PRKN: variants seen among roughly 807,000 people sequenced by gnomAD.
PRKN encodes the protein E3 ubiquitin-protein ligase parkin.
Under a neutral mutation model 59.5 loss-of-function variants are expected in PRKN, and 56 were observed. The ratio of observed to expected loss-of-function variants is 0.94; its 90% CI spans 0.76 to 1.18. The LOEUF (loss-of-function observed/expected upper bound fraction) is 1.18, where lower values mean the gene tolerates loss of function less well. Ranked by LOEUF, PRKN falls within the 50% of genes most tolerant of loss-of-function variation. The pLI is 0.00. For synonymous variants in PRKN, 250 were observed against 222.1 expected, an observed-to-expected ratio of 1.13 and a Z score of -1.12; for missense variants, 657 against 596.4, an observed-to-expected ratio of 1.10 and a Z score of -1.06.
intron 7 of PRKN, among the ~76,000 whole-genome samples, chr6:161,596,321 T>G (rs1781912804): frequency 6.6e-6 from 1 of 152,134 alleles, no homozygotes; most frequent in Non-Finnish European, 1.5e-5. Context: ...AACACTTTTC[T>G]GGAAATAAAA....
intron 4 of PRKN, among the ~76,000 whole-genome samples, chr6:162,096,705 C>A (rs1779750723): frequency 6.6e-6 from 1 of 151,678 alleles, no homozygotes; most frequent in African/African-American, 2.4e-5. Context: ...TAAGATGTGC[C>A]TTTGCCTTTC....
intron 4 of PRKN, among the ~76,000 whole-genome samples, chr6:162,196,296 C>G (rs952895982): frequency 1.3e-5 from 2 of 152,136 alleles, no homozygotes; most frequent in African/African-American, 4.8e-5. Context: ...AAAATTAATA[C>G]AGTCTCTGAT....
intron 6 of PRKN, among the ~76,000 whole-genome samples, chr6:161,972,216 G>A (rs1780841441): frequency 6.6e-6 from 1 of 150,594 alleles, no homozygotes; most frequent in Non-Finnish European, 1.5e-5. Flanking sequence ...GGAGGTTGCA[G>A]TGAGCCGAGA....
At chr6:162,245,611 C>T (rs758174364) in intron 3 of PRKN, among the ~76,000 whole-genome samples, 13 of 152,082 alleles carry the variant, frequency 8.5e-5, no homozygotes, top group Non-Finnish European at 1.6e-4. Context: ...ACCTTCATTT[C>T]CAGGAAGTTT....
At chr6:162,582,808 T>C (rs1780841257) in intron 1 of PRKN, among the ~76,000 whole-genome samples, 1 of 152,220 alleles carries the variant, frequency 6.6e-6, no homozygotes, top group Non-Finnish European at 1.5e-5. Context: ...TAACACATGA[T>C]ATTAAATTCA....
chr6:162,400,158 G>A (rs1242964653), intron 2 of PRKN, among the ~76,000 whole-genome samples: 1 of 151,734 alleles, frequency 6.6e-6, no homozygotes, highest in Admixed American at 6.6e-5. Context: ...AGTGACCTGA[G>A]ATTGTGCCAC....
chr6:161,948,844 C>G (rs149549838), intron 6 of PRKN, among the ~76,000 whole-genome samples: 109 of 152,336 alleles, frequency 7.2e-4, no homozygotes, highest in Non-Finnish European at 1.1e-3. Flanking sequence ...AACACAGATC[C>G]TTCTGGCAGT....
intron 1 of PRKN, among the ~76,000 whole-genome samples, chr6:162,718,872 G>A (rs531534683): frequency 3.4e-4 from 52 of 152,240 alleles, no homozygotes; most frequent in African/African-American, 1.2e-3. Flanking sequence ...TGACTTCTTT[G>A]AAATCAAGAT....
intron 7 of PRKN, among the ~76,000 whole-genome samples, chr6:161,636,711 A>G (rs915576651): frequency 1.3e-5 from 2 of 152,160 alleles, no homozygotes; most frequent in Non-Finnish European, 2.9e-5. Context: ...AGGGAAACAT[A>G]GCCAGACCCT....
intron 2 of PRKN, among the ~76,000 whole-genome samples, chr6:162,318,871 T>G (rs1782865409): frequency 6.6e-6 from 1 of 152,038 alleles, no homozygotes; most frequent in South Asian, 2.1e-4. Context: ...CATGCTACAT[T>G]TAGTACTTAA....
At chr6:161,699,849 T>G (rs774270059) in intron 7 of PRKN, among the ~76,000 whole-genome samples, 2 of 152,180 alleles carry the variant, frequency 1.3e-5, no homozygotes, top group Non-Finnish European at 2.9e-5. Context: ...CTGTACACTT[T>G]CAACATGTGC....
chr6:161,818,794 A>G (rs960278813), intron 6 of PRKN, among the ~76,000 whole-genome samples: 10 of 152,188 alleles, frequency 6.6e-5, no homozygotes. Context: ...TGGGAATTTG[A>G]CACACTTGTT....
intron 2 of PRKN, among the ~76,000 whole-genome samples, chr6:162,431,155 A>C (rs1446417769): frequency 2.0e-5 from 3 of 148,278 alleles, no homozygotes; most frequent in African/African-American, 7.7e-5. Flanking sequence ...CCTGCTTATC[A>C]CTGCATTTAT....
chr6:162,224,824 G>C (rs1187190573), intron 3 of PRKN, among the ~76,000 whole-genome samples: 1 of 152,060 alleles, frequency 6.6e-6, no homozygotes, highest in Non-Finnish European at 1.5e-5. Context: ...CAGGGCCCAA[G>C]CCATCTTGCT....
In PRKN at chr6:161,549,361, A is replaced by T. The variant is rs532102127; in HGVS notation, c.934-358T>A. Among the ~76,000 whole-genome samples, 1 of 152,244 alleles carries T rather than the reference A, an allele frequency of 6.6e-6. No individual in the cohort carries two copies. Among genetic ancestry groups the T allele is most frequent in the South Asian group, 2.1e-4 (1 of 4,834 alleles). On this transcript the variant is annotated intron_variant, in intron 8 of 11. Coordinates refer to ENST00000366898, the MANE Select transcript of PRKN (RefSeq NM_004562.3). This position sits in a 1 kb window ranked among gnomAD's most constrained non-coding sequence, Gnocchi z 6.0. ...CATATACATTTTGAGGAACATATTT[A>T]TGTATTAAATGATGAACACTTTTAA...
At chr6:162,320,978 G>A (rs1206144636) in intron 2 of PRKN, among the ~76,000 whole-genome samples, 2 of 151,484 alleles carry the variant, frequency 1.3e-5, no homozygotes, top group Admixed American at 1.3e-4. Context: ...AAAAAATGAA[G>A]AGCAAATGAA....
intron 6 of PRKN, among the ~76,000 whole-genome samples, chr6:161,904,961 T>C (rs915262398): frequency 6.6e-6 from 1 of 152,098 alleles, no homozygotes; most frequent in Non-Finnish European, 1.5e-5. Flanking sequence ...CAATTTCTGA[T>C]TGACATTCTA....
At chr6:162,078,637 G>T (rs1778930557) in intron 4 of PRKN, among the ~76,000 whole-genome samples, 1 of 151,938 alleles carries the variant, frequency 6.6e-6, no homozygotes, top group Admixed American at 6.6e-5. Context: ...ATTTTGCAGG[G>T]CCTCATTTTG....
At chr6:161,795,869 A>T (rs568257604) in intron 6 of PRKN, among the ~76,000 whole-genome samples, 82 of 152,324 alleles carry the variant, frequency 5.4e-4, no homozygotes, top group African/African-American at 1.8e-3. Context: ...AACACTTCAG[A>T]TGGAGTAAAA....
Sources: allele counts gnomAD v4.1 joint callset (sites outside exome capture counted in the v4.1 genomes callset), GRCh38; gene constraint gnomAD v4.1.1; non-coding constraint Gnocchi (gnomAD v3.1); transcripts MANE v1.5; gene names NCBI Gene and HGNC (gene_info 2026-07-23, HGNC 2026-07-21).